FBLN1: variants seen among roughly 807,000 people sequenced by gnomAD.
The protein encoded by FBLN1 is fibulin 1.
Under a neutral mutation model 89.7 loss-of-function variants are expected in FBLN1, and 34 were observed. The observed-to-expected ratio is 0.38, with a 90% CI of 0.29 to 0.50. The LOEUF is 0.50. Ranked by LOEUF, FBLN1 falls within the 20% of genes least tolerant of loss-of-function variation. FBLN1 has a pLI of 0.92. For synonymous variants in FBLN1, 393 were observed against 391.3 expected, an observed-to-expected ratio of 1.00 and a Z score of -0.05; for missense variants, 777 against 988.1, an observed-to-expected ratio of 0.79 and a Z score of 2.86.
chr22:45,595,474 G>A (rs2089176103), intron 16 of FBLN1, among the ~76,000 whole-genome samples: 2 of 152,114 alleles, frequency 1.3e-5, no homozygotes, highest in South Asian at 2.1e-4. Flanking sequence ...TCAGCCTAGC[G>A]CCTCCCTTCC....
intron 14 of FBLN1, among the ~76,000 whole-genome samples, chr22:45,573,158 G>A (rs368075689): frequency 2.0e-5 from 3 of 151,888 alleles, no homozygotes; most frequent in South Asian, 2.1e-4. Context: ...CCCAGGAGGC[G>A]GAGGTTGCAG....
intron 16 of FBLN1, among the ~76,000 whole-genome samples, chr22:45,589,606 T>C (rs1441560920): frequency 6.6e-6 from 1 of 152,118 alleles, no homozygotes; most frequent in Non-Finnish European, 1.5e-5. Context: ...TCATGGCGCC[T>C]CTCAGGAGTA....
At chr22:45,533,471 G>A (rs1396142357) in intron 6 of FBLN1, among the ~76,000 whole-genome samples, 2 of 152,334 alleles carry the variant, frequency 1.3e-5, no homozygotes, top group South Asian at 2.1e-4. Context: ...TGGCCCCCGC[G>A]TCTGTGAGAT....
At chr22:45,535,545 T>C (rs1219396955) in intron 8 of FBLN1, 2 of 605,122 alleles carry the variant, frequency 3.3e-6, no homozygotes, top group Non-Finnish European at 5.8e-6. Context: ...AACTCTGCTG[T>C]TATAGTCTAA....
intron 3 of FBLN1, 94 bp from the exon 4 acceptor site, chr22:45,527,752 CA>C (rs2088348581): frequency 3.7e-5 from 48 of 1,288,316 alleles, no homozygotes; most frequent in Non-Finnish European, 5.4e-5. Flanking sequence ...GTTGTGTGGA[CA>C]GGGGGCTCAG....
In FBLN1 at chr22:45,531,875, CAG is replaced by C. The variant is rs1429147311; in HGVS notation, c.544+552_544+553del. 1.3e-5 allele frequency among the ~76,000 whole-genome samples: 2 copies of C among 152,236 alleles called. No homozygotes were observed. The highest frequency in any genetic ancestry group is 2.4e-5 in the African/African-American group (1 of 41,452). ...GTGACAGAGGCCTCCCTCAGGCTCT[CAG>C]GGGAGAGGAGGGGGCTCAGCGTTCC... On this transcript the variant is annotated intron_variant, in intron 5 of 16. Transcript: ENST00000327858. The surrounding 1 kb of genome is among the most constrained non-coding windows in gnomAD (Gnocchi z 4.9).
chr22:45,565,072 C>A (rs2088890917), intron 14 of FBLN1: 1 of 1,602,724 alleles, frequency 6.2e-7, no homozygotes, highest in African/African-American at 1.3e-5. Context: ...GAGCATGAGC[C>A]CTTTTCCCCA....
Position 45,516,295 on chromosome 22 carries a change from G to A in FBLN1, c.80-2387G>A, listed in dbSNP as rs569469882. Among the ~76,000 whole-genome samples the A allele has an allele frequency of 2.6e-5, 4 of 152,116 alleles. No homozygotes were observed. In the South Asian group the frequency reaches 6.2e-4, roughly 24 times the overall value. On this transcript the variant is annotated intron_variant, in intron 1 of 16. Coordinates refer to ENST00000327858, the MANE Select transcript of FBLN1 (RefSeq NM_006486.3). ...GGTTGGCTGCAGAAAGGGTGAAGGG[G>A]GTAGGGGGACAGATGGGAACTGGGC... is the stretch of plus-strand genomic sequence containing the variant.
At chr22:45,569,155 T>C (rs550906910) in intron 14 of FBLN1, among the ~76,000 whole-genome samples, 1 of 152,172 alleles carries the variant, frequency 6.6e-6, no homozygotes, top group East Asian at 1.9e-4. Context: ...AAGGATGTAA[T>C]GCAAACCATG....
rs1245857594 is a variant in FBLN1 at position 45,561,392 on chromosome 22, C to T, written c.1697+10777C>T. On this transcript the variant is annotated intron_variant, in intron 14 of 16. Coordinates refer to ENST00000327858, the MANE Select transcript of FBLN1 (RefSeq NM_006486.3). This position sits in a 1 kb window ranked among gnomAD's most constrained non-coding sequence, Gnocchi z 4.7. ...GTCCACTAAACTTAGGAGCAACCAA[C>T]CAGCTTCATTATGTTCCTTGGTTCT... is the stretch of plus-strand genomic sequence containing the variant. Among the ~76,000 whole-genome samples the T allele has an allele frequency of 1.3e-5, 2 of 152,178 alleles. No individual in the cohort carries two copies. The highest frequency in any genetic ancestry group is 4.8e-5 in the African/African-American group (2 of 41,438).
intron 16 of FBLN1, among the ~76,000 whole-genome samples, chr22:45,591,014 A>G (rs2089131829): frequency 6.6e-6 from 1 of 152,146 alleles, no homozygotes; most frequent in Admixed American, 6.5e-5. Flanking sequence ...GGGAGGGGAC[A>G]TGATTTCTTA....
At chr22:45,514,744 T>G (rs1200353092) in intron 1 of FBLN1, among the ~76,000 whole-genome samples, 4 of 152,168 alleles carry the variant, frequency 2.6e-5, no homozygotes, top group Non-Finnish European at 5.9e-5. Flanking sequence ...GTGCTGGGCA[T>G]GGGCAGGTGC....
chr22:45,524,259 A>G (rs976804783), intron 2 of FBLN1, among the ~76,000 whole-genome samples: 4 of 152,168 alleles, frequency 2.6e-5, no homozygotes, highest in Non-Finnish European at 4.4e-5. Flanking sequence ...TGGAGGCACG[A>G]GTTGGGTGGC....
intron 14 of FBLN1, among the ~76,000 whole-genome samples, chr22:45,560,113 C>T (rs775451871): frequency 1.8e-4 from 28 of 152,240 alleles, no homozygotes; most frequent in Non-Finnish European, 3.8e-4. Context: ...GAGCTCTACA[C>T]GAGACAGACT....
rs2088960217 is a variant in FBLN1, at chr22:45,572,530, T to C, written c.1698-1981T>C. ...AGGAAACAACCAAGTATTGATCTGC[T>C]ATTTCCTGGTAATTAAATCACAAGA... On this transcript the variant is annotated intron_variant, in intron 14 of 16. Coordinates refer to ENST00000327858, the MANE Select transcript of FBLN1 (RefSeq NM_006486.3). This position sits in a 1 kb window ranked among gnomAD's most constrained non-coding sequence, Gnocchi z 5.8. Among the ~76,000 whole-genome samples the C allele has an allele frequency of 6.6e-6, 1 of 152,206 alleles. No homozygotes were observed. Among genetic ancestry groups the C allele is most frequent in the Admixed American group, 6.5e-5 (1 of 15,286 alleles).
chr22:45,584,104 G>A (rs1478451879), intron 16 of FBLN1, among the ~76,000 whole-genome samples: 2 of 152,192 alleles, frequency 1.3e-5, no homozygotes, highest in Non-Finnish European at 1.5e-5. Flanking sequence ...TGGAGAACTG[G>A]AACCCGCAGC....
At chr22:45,593,870 A>C (rs569668435) in intron 16 of FBLN1, among the ~76,000 whole-genome samples, 2 of 152,250 alleles carry the variant, frequency 1.3e-5, no homozygotes, top group South Asian at 4.1e-4. Flanking sequence ...AAGGCCTGCC[A>C]TGGGCCTGCC....
intron 4 of FBLN1, 74 bp downstream of exon 4, chr22:45,528,083 G>T: frequency 1.4e-6 from 2 of 1,480,420 alleles, no homozygotes; most frequent in Non-Finnish European, 1.9e-6. Context: ...AGCGAGAGTG[G>T]AGAGAGAGAG....
chr22:45,564,327 C>G (rs2088882338), intron 14 of FBLN1, among the ~76,000 whole-genome samples: 2 of 152,232 alleles, frequency 1.3e-5, no homozygotes, highest in African/African-American at 4.8e-5. Flanking sequence ...TTAGCCTCTG[C>G]CTAAAACCGT....
Sources: gnomAD v4.1 joint callset for allele counts (sites outside exome capture counted in the v4.1 genomes callset) on GRCh38, gnomAD v4.1.1 for gene constraint, Gnocchi (gnomAD v3.1) non-coding constraint, MANE v1.5 for transcripts, NCBI Gene and HGNC (gene_info 2026-07-23, HGNC 2026-07-21) for gene names.